TCF7L1: variants seen among roughly 807,000 people sequenced by gnomAD.
TCF7L1 encodes transcription factor 7-like 1.
A neutral mutation model predicts 63.7 loss-of-function variants in TCF7L1; 18 were observed. The observed-to-expected ratio is 0.28, with a 90% CI of 0.20 to 0.42. The LOEUF is 0.42. Among genes scored for constraint, TCF7L1 ranks in the 10% least tolerant of loss-of-function variants. The pLI, the probability that TCF7L1 is intolerant of heterozygous loss-of-function variation, is 1.00. For missense variants in TCF7L1, 654 were observed against 779.3 expected (o/e 0.84, Z 1.91); for synonymous variants, 355 against 340.9 (o/e 1.04, Z -0.46).
chr2:85,147,386 C>A (rs1434697494), intron 3 of TCF7L1, among the ~76,000 whole-genome samples: 4 of 152,146 alleles, frequency 2.6e-5, no homozygotes, highest in Non-Finnish European at 5.9e-5. Flanking sequence ...CCCCCTCCCA[C>A]CTGTCACTCT....
intron 3 of TCF7L1, among the ~76,000 whole-genome samples, chr2:85,165,817 TC>T (rs1240030371): frequency 6.6e-6 from 1 of 152,194 alleles, no homozygotes; most frequent in Non-Finnish European, 1.5e-5. Flanking sequence ...TCCTCCAGCT[TC>T]CCCAGTGGTG....
chr2:85,247,329 T>A (rs1333513576), intron 3 of TCF7L1, among the ~76,000 whole-genome samples: 2 of 152,246 alleles, frequency 1.3e-5, no homozygotes, highest in Non-Finnish European at 2.9e-5. Flanking sequence ...TAAAGACTGA[T>A]ATAATTTTCA....
chr2:85,155,427 A>G (rs1249097472), intron 3 of TCF7L1, among the ~76,000 whole-genome samples: 3 of 152,168 alleles, frequency 2.0e-5, no homozygotes, highest in Non-Finnish European at 4.4e-5. Flanking sequence ...TGCCACCTTT[A>G]AGAGCTGTAA....
At position 85,214,222 on chromosome 2, in the gene TCF7L1, G is replaced by T. The variant is rs1282352646; in HGVS notation, c.442-69273G>T. On this transcript the variant is annotated intron_variant, in intron 3 of 11. Coordinates refer to ENST00000282111, the MANE Select transcript of TCF7L1 (RefSeq NM_031283.3). Reference sequence around the variant, plus strand: ...TGGCTGTCAGCGTGTCAAGGATGACGGGTGGCAAGAGGGGTAAACACAGCT... The same window carrying T: ...TGGCTGTCAGCGTGTCAAGGATGACTGGTGGCAAGAGGGGTAAACACAGCT... Among the ~76,000 whole-genome samples, 4 of 152,214 alleles carry T rather than the reference G, an allele frequency of 2.6e-5. No individual in the cohort carries two copies. The East Asian group carries it at 7.7e-4, about 29-fold the overall frequency.
rs78214788 is a variant in TCF7L1, at chr2:85,229,426, C to A, written c.442-54069C>A. 4.8e-3 allele frequency among the ~76,000 whole-genome samples: 731 copies of A among 152,300 alleles called. 25 individuals are homozygous for A. The East Asian group carries it at 0.09, about 19-fold the overall frequency. On this transcript the variant is annotated intron_variant, in intron 3 of 11. Transcript: ENST00000282111. ...GAGCTATTGAAAAGGTGTCCTATAA[C>A]CCCAATTCTGCTAAAGAGATGGAGA...
chr2:85,160,064 T>C (rs1574083897), intron 3 of TCF7L1, among the ~76,000 whole-genome samples: 1 of 152,242 alleles, frequency 6.6e-6, no homozygotes, highest in Admixed American at 6.5e-5. Flanking sequence ...CTTTCAAAAA[T>C]TTTAAATTAG....
Position 85,302,504 on chromosome 2 carries a change from TCAG to T in TCF7L1, c.549_551del (p.Gln183del). 1.2e-6 allele frequency: 2 copies of T among 1,614,136 alleles called. No individual in the cohort carries two copies. Among genetic ancestry groups the T allele is most frequent in the Non-Finnish European group, 1.7e-6 (2 of 1,180,016 alleles). ...TTCAGTCTAATAAAGTTCCTGTCGT[TCAG>T]CACCCGCATCACATGCATCCGCTGA... On this transcript the variant is annotated inframe_deletion, in exon 5 of 12. Coordinates refer to ENST00000282111, the MANE Select transcript of TCF7L1 (RefSeq NM_031283.3).
chr2:85,289,424 C>G (rs995894983), intron 4 of TCF7L1, among the ~76,000 whole-genome samples: 1 of 152,114 alleles, frequency 6.6e-6, no homozygotes. Flanking sequence ...GTGACTTAAT[C>G]CAGCTTTTTG....
chr2:85,144,252 TAAAAG>T (rs1677812109), intron 3 of TCF7L1, among the ~76,000 whole-genome samples: 1 of 152,036 alleles, frequency 6.6e-6, no homozygotes, highest in South Asian at 2.1e-4. Flanking sequence ...CAAAAATCTA[TAAAAG>T]ACTATTTCAG....
At position 85,182,083 on chromosome 2, in the gene TCF7L1, G is replaced by T. The variant is rs531622553; in HGVS notation, c.441+47633G>T. Among the ~76,000 whole-genome samples, 6 of 152,302 alleles carry T rather than the reference G, an allele frequency of 3.9e-5. No homozygotes were observed. In the South Asian group the frequency reaches 1.2e-3, roughly 32 times the overall value. ...GTGGACATGGGGAGGAGGCAGGATG[G>T]ACGGGGCGCCTGAAGGAATTAAGTG... is the stretch of plus-strand genomic sequence containing the variant. On this transcript the variant is annotated intron_variant, in intron 3 of 11. Coordinates refer to ENST00000282111, the MANE Select transcript of TCF7L1 (RefSeq NM_031283.3).
chr2:85,154,711 A>AAGGC (rs1375413628), intron 3 of TCF7L1, among the ~76,000 whole-genome samples: 3 of 152,210 alleles, frequency 2.0e-5, no homozygotes, highest in African/African-American at 7.2e-5. Flanking sequence ...CTCACTGAAG[A>AAGGC]AGGCAGGCAG....
At chr2:85,201,194 C>T (rs1296282154) in intron 3 of TCF7L1, among the ~76,000 whole-genome samples, 4 of 152,166 alleles carry the variant, frequency 2.6e-5, no homozygotes, top group African/African-American at 9.7e-5. Context: ...CAGAGAGAGA[C>T]TTCGTCTCAA....
At chr2:85,227,129 A>G (rs1461064950) in intron 3 of TCF7L1, among the ~76,000 whole-genome samples, 2 of 152,116 alleles carry the variant, frequency 1.3e-5, no homozygotes, top group Non-Finnish European at 2.9e-5. Flanking sequence ...GTTCACTCCT[A>G]TGCTGTTTTG....
At chr2:85,157,972 C>T (rs909739138) in intron 3 of TCF7L1, among the ~76,000 whole-genome samples, 1 of 152,172 alleles carries the variant, frequency 6.6e-6, no homozygotes, top group Non-Finnish European at 1.5e-5. Context: ...TTTAGAGGTG[C>T]CTTCTGGGAT....
At chr2:85,153,760 CTT>C in intron 3 of TCF7L1, among the ~76,000 whole-genome samples, 1 of 152,320 alleles carries the variant, frequency 6.6e-6, no homozygotes, top group Admixed American at 6.5e-5. Context: ...TCATATTTCT[CTT>C]TTGATGATCA....
intron 3 of TCF7L1, among the ~76,000 whole-genome samples, chr2:85,258,441 C>T (rs971691641): frequency 6.6e-6 from 1 of 152,104 alleles, no homozygotes; most frequent in Non-Finnish European, 1.5e-5. Context: ...TTGCCTGGGG[C>T]TGAGCTTTGA....
chr2:85,227,725 G>A (rs1679989315), intron 3 of TCF7L1, among the ~76,000 whole-genome samples: 1 of 152,112 alleles, frequency 6.6e-6, no homozygotes, highest in Non-Finnish European at 1.5e-5. Context: ...GCTGGGCACA[G>A]TGGCTCACAC....
intron 3 of TCF7L1, among the ~76,000 whole-genome samples, chr2:85,212,536 G>A (rs1235015012): frequency 6.6e-6 from 1 of 152,186 alleles, no homozygotes; most frequent in Non-Finnish European, 1.5e-5. Flanking sequence ...CCTGGGGATT[G>A]ATGGACTTTT....
intron 4 of TCF7L1, among the ~76,000 whole-genome samples, chr2:85,294,563 A>G (rs1681802429): frequency 6.6e-6 from 1 of 152,112 alleles, no homozygotes; most frequent in African/African-American, 2.4e-5. Flanking sequence ...AGCATTGCAA[A>G]TTGGGTCACT....
Sources: gnomAD v4.1 joint callset for allele counts (sites outside exome capture counted in the v4.1 genomes callset) on GRCh38, gnomAD v4.1.1 for gene constraint, MANE v1.5 for transcripts, NCBI Gene and HGNC (gene_info 2026-07-23, HGNC 2026-07-21) for gene names.